TENM2: variants seen among roughly 807,000 people sequenced by gnomAD.
TENM2 encodes teneurin-2.
A neutral mutation model predicts 245.2 loss-of-function variants in TENM2; 52 were observed. The observed-to-expected ratio is 0.21, with a 90% CI of 0.17 to 0.27. The LOEUF is 0.27. TENM2 is among the 10% of genes least tolerant of loss of function. TENM2 has a pLI of 1.00. For synonymous variants in TENM2, 1,363 were observed against 1,438.9 expected (o/e 0.95, Z 1.19); for missense variants, 3,046 against 3,666.8 (o/e 0.83, Z 4.37).
At chr5:167,233,341 GC>G in the TENM2 span, among the ~76,000 whole-genome samples, 1 of 151,832 alleles carries the variant, frequency 6.6e-6, no homozygotes, top group African/African-American at 2.4e-5. Flanking sequence ...GAAGATAGCG[GC>G]CCCCCTTCTT....
chr5:167,977,513 T>C (rs1348841331), intron 4 of TENM2, among the ~76,000 whole-genome samples: 1 of 152,140 alleles, frequency 6.6e-6, no homozygotes, highest in African/African-American at 2.4e-5. Context: ...CCCACTAGGC[T>C]CTCCCTGAAA....
At position 168,260,424 on chromosome 5, in the gene TENM2, G is replaced by T; in HGVS notation, c.7563+11G>T. 1 of 1,612,780 alleles carries T rather than the reference G, an allele frequency of 6.2e-7. No homozygotes were observed. Among genetic ancestry groups the T allele is most frequent in the Non-Finnish European group, 8.5e-7 (1 of 1,179,310 alleles). On this transcript the variant is annotated intron_variant, in intron 28 of 28. Transcript: ENST00000518659. ...AGTGAGAATGGACAGGTAAGCAGAGGTTCCTGCCAAGAATCCAAATGATTG... is the reference window on the plus strand; with the variant it reads ...AGTGAGAATGGACAGGTAAGCAGAGTTTCCTGCCAAGAATCCAAATGATTG...
intron 2 of TENM2, among the ~76,000 whole-genome samples, chr5:167,623,022 C>T (rs1391707162): frequency 6.6e-6 from 1 of 152,072 alleles, no homozygotes. Context: ...TTAAGCATTT[C>T]TTTAAAACAT....
the TENM2 span, among the ~76,000 whole-genome samples, chr5:167,279,266 G>A: frequency 6.6e-6 from 1 of 152,026 alleles, no homozygotes; most frequent in South Asian, 2.1e-4. Flanking sequence ...GTCCTGCATG[G>A]GACTCACTCA....
At chr5:167,363,624 G>A (rs62388777) in intron 1 of TENM2, among the ~76,000 whole-genome samples, 5,798 of 150,996 alleles carry the variant, frequency 0.038, 163 homozygotes, top group Non-Finnish European at 0.057. Context: ...CCAGCTACTC[G>A]GGAGGCTGAG....
intron 1 of TENM2, among the ~76,000 whole-genome samples, chr5:167,364,571 T>G (rs1459414401): frequency 1.3e-5 from 2 of 152,010 alleles, no homozygotes; most frequent in Non-Finnish European, 2.9e-5. Context: ...ATATGTCAAA[T>G]GTAAAGACAA....
intron 5 of TENM2, among the ~76,000 whole-genome samples, chr5:168,006,182 C>T (rs1034816463): frequency 1.3e-5 from 2 of 152,160 alleles, no homozygotes; most frequent in Non-Finnish European, 1.5e-5. Flanking sequence ...TCCCCAGCAT[C>T]CTAAGAGACT....
chr5:167,496,213 C>A (rs1462799498), intron 2 of TENM2, among the ~76,000 whole-genome samples: 1 of 151,996 alleles, frequency 6.6e-6, no homozygotes, highest in African/African-American at 2.4e-5. Flanking sequence ...CAAAATTTTC[C>A]TTCCTCATTT....
At chr5:167,618,826 A>G (rs1777966836) in intron 2 of TENM2, among the ~76,000 whole-genome samples, 1 of 152,076 alleles carries the variant, frequency 6.6e-6, no homozygotes, top group Non-Finnish European at 1.5e-5. Flanking sequence ...ACCTGTATAA[A>G]TGTGTCTTAT....
the TENM2 span, among the ~76,000 whole-genome samples, chr5:167,085,465 C>T: frequency 6.6e-6 from 1 of 152,050 alleles, no homozygotes; most frequent in African/African-American, 2.4e-5. Context: ...CTGGCCTTTC[C>T]TCCACTAACA....
intron 1 of TENM2, chr5:167,303,262 C>CACCA (rs1755465065): frequency 6.4e-6 from 1 of 157,292 alleles, no homozygotes; most frequent in Admixed American, 6.5e-5. Context: ...CCAGTCACTG[C>CACCA]ACCAAATTTC....
chr5:167,616,069 A>T (rs1777772409), intron 2 of TENM2, among the ~76,000 whole-genome samples: 1 of 152,140 alleles, frequency 6.6e-6, no homozygotes, highest in Non-Finnish European at 1.5e-5. Context: ...GGGTATTAAT[A>T]ACACCGTTGC....
At chr5:168,050,383 A>G (rs1295358837) in intron 6 of TENM2, among the ~76,000 whole-genome samples, 3 of 152,202 alleles carry the variant, frequency 2.0e-5, no homozygotes, top group Non-Finnish European at 1.5e-5. Context: ...AATTCTATAC[A>G]TTTAGATAAC....
intron 2 of TENM2, among the ~76,000 whole-genome samples, chr5:167,425,486 T>C (rs1763758409): frequency 6.6e-6 from 1 of 152,154 alleles, no homozygotes; most frequent in Non-Finnish European, 1.5e-5. Context: ...CAAATGCAAA[T>C]TTCAATTTCT....
chr5:167,675,058 G>A (rs1393951574), intron 2 of TENM2, among the ~76,000 whole-genome samples: 2 of 151,984 alleles, frequency 1.3e-5, no homozygotes, highest in Non-Finnish European at 2.9e-5. Flanking sequence ...CTGATGAATG[G>A]TGAGAAAAAA....
At chr5:167,518,824 A>T (rs183782910) in intron 2 of TENM2, among the ~76,000 whole-genome samples, 38 of 152,212 alleles carry the variant, frequency 2.5e-4, no homozygotes, top group Admixed American at 7.9e-4. Context: ...TGCTTGATTC[A>T]GCTGGGGCCA....
At chr5:167,083,117 T>G in the TENM2 span, among the ~76,000 whole-genome samples, 1 of 152,140 alleles carries the variant, frequency 6.6e-6, no homozygotes, top group African/African-American at 2.4e-5. Context: ...ACTCTCTTTT[T>G]TTCTCCTTTC....
At chr5:167,377,974 A>G (rs886132250) in intron 2 of TENM2, among the ~76,000 whole-genome samples, 11 of 152,166 alleles carry the variant, frequency 7.2e-5, no homozygotes, top group Admixed American at 6.5e-4. Flanking sequence ...TACTTTGAGA[A>G]AGAAGCTCTC....
rs577870334 is a variant in TENM2 at position 167,328,167 on chromosome 5, C to T, written c.226+43104C>T. Among the ~76,000 whole-genome samples, 11 of 146,722 alleles carry T rather than the reference C, an allele frequency of 7.5e-5. No homozygotes were observed. The South Asian group carries it at 1.9e-3, about 26-fold the overall frequency. ...AAATCAGTTTTCTTATTTCTCTGCT[C>T]ATAACCCATTCCAACAGTTCGATAG... On this transcript the variant is annotated intron_variant, in intron 1 of 28. Coordinates refer to ENST00000518659, the Ensembl canonical transcript of TENM2.
Sources: gnomAD v4.1 joint callset for allele counts (sites outside exome capture counted in the v4.1 genomes callset) on GRCh38, gnomAD v4.1.1 for gene constraint, MANE v1.5 for transcripts, NCBI Gene and HGNC (gene_info 2026-07-23, HGNC 2026-07-21) for gene names.